RIT2: variants seen among roughly 807,000 people sequenced by gnomAD.
The protein encoded by RIT2 is GTP-binding protein Rit2.
Under a neutral mutation model 23.7 loss-of-function variants are expected in RIT2, and 24 were observed. The ratio of observed to expected loss-of-function variants is 1.01; its 90% confidence interval spans 0.73 to 1.43. RIT2 has a LOEUF of 1.43. Ranked by LOEUF, RIT2 falls within the 40% of genes most tolerant of loss-of-function variation. The pLI is 0.00. For missense variants in RIT2, 236 were observed against 266.9 expected, an observed-to-expected ratio of 0.88 and a Z score of 0.81; for synonymous variants, 107 against 91.1, an observed-to-expected ratio of 1.17 and a Z score of -0.99.
chr18:42,813,375 G>A (rs984901383), intron 4 of RIT2, among the ~76,000 whole-genome samples: 4 of 151,936 alleles, frequency 2.6e-5, no homozygotes, highest in African/African-American at 9.7e-5. Context: ...ATCTGTAGAT[G>A]GATTTTTCTA....
At chr18:43,022,770 T>C (rs1422497326) in intron 2 of RIT2, among the ~76,000 whole-genome samples, 1 of 151,998 alleles carries the variant, frequency 6.6e-6, no homozygotes, top group South Asian at 2.1e-4. Context: ...TTATTAATCA[T>C]TACAAAATGA....
At chr18:42,763,410 C>T (rs1230083909) in intron 4 of RIT2, among the ~76,000 whole-genome samples, 1 of 148,826 alleles carries the variant, frequency 6.7e-6, no homozygotes, top group African/African-American at 2.5e-5. Flanking sequence ...TGCAGGGAGC[C>T]GAGATTGCAC....
In RIT2 at chr18:42,943,785, G is replaced by T. The variant is rs79973114; in HGVS notation, c.235-20022C>A. ...TTCCAAGAACCTGTCAATGACACTA[G>T]GACATTAGGTGAGGACTTACTGTAC... is the stretch of plus-strand genomic sequence containing the variant. On this transcript the variant is annotated intron_variant, in intron 3 of 4. Coordinates refer to ENST00000326695, the MANE Select transcript of RIT2 (RefSeq NM_002930.4). Among the ~76,000 whole-genome samples the T allele has an allele frequency of 5.5e-3, 838 of 152,164 alleles. 8 individuals are homozygous for T. Among genetic ancestry groups the T allele is most frequent in the Non-Finnish European group, 7.4e-3 (505 of 67,978 alleles).
At chr18:43,025,431 TA>T (rs1432414165) in intron 2 of RIT2, among the ~76,000 whole-genome samples, 1 of 152,108 alleles carries the variant, frequency 6.6e-6, no homozygotes, top group East Asian at 1.9e-4. Context: ...TGCTACTGAG[TA>T]TCTACTCCAA....
At chr18:43,017,621 G>T (rs1227886347) in intron 2 of RIT2, among the ~76,000 whole-genome samples, 1 of 152,014 alleles carries the variant, frequency 6.6e-6, no homozygotes, top group South Asian at 2.1e-4. Context: ...GTAGTAGTTA[G>T]TATTTAGAAT....
chr18:42,995,525 T>C (rs190612792), intron 2 of RIT2, among the ~76,000 whole-genome samples: 1 of 152,322 alleles, frequency 6.6e-6, no homozygotes, highest in Non-Finnish European at 1.5e-5. Context: ...AGACCGGCCT[T>C]TATTAGTCAA....
intron 3 of RIT2, among the ~76,000 whole-genome samples, chr18:42,970,965 C>A (rs1474579171): frequency 6.6e-6 from 1 of 151,874 alleles, no homozygotes; most frequent in African/African-American, 2.4e-5. Flanking sequence ...ATCACTTGGT[C>A]TCTTTTACAA....
At chr18:42,916,114 T>C (rs749193115) in intron 4 of RIT2, among the ~76,000 whole-genome samples, 27 of 152,018 alleles carry the variant, frequency 1.8e-4, no homozygotes, top group Non-Finnish European at 3.2e-4. Context: ...ACCCAGCTAA[T>C]TTGTTAAAAT....
intron 2 of RIT2, 47 bp from the exon 3 acceptor site, chr18:42,974,194 C>G (rs751149669): frequency 2.1e-5 from 27 of 1,307,454 alleles, no homozygotes; most frequent in Non-Finnish European, 2.4e-5. Flanking sequence ...ACAGGAAAGG[C>G]ATTATTAATT....
At chr18:42,994,208 C>G (rs1449806092) in intron 2 of RIT2, among the ~76,000 whole-genome samples, 1 of 152,142 alleles carries the variant, frequency 6.6e-6, no homozygotes, top group African/African-American at 2.4e-5. Context: ...TGACACCCAC[C>G]AGGCTCAGCA....
chr18:42,912,419 C>T (rs1019423146), intron 4 of RIT2, among the ~76,000 whole-genome samples: 1 of 151,772 alleles, frequency 6.6e-6, no homozygotes, highest in African/African-American at 2.4e-5. Flanking sequence ...GAAATTTTAG[C>T]CACTGCAATA....
chr18:43,033,676 TGATA>T, intron 2 of RIT2, 131 bp downstream of exon 2: 1 of 656,066 alleles, frequency 1.5e-6, no homozygotes, highest in Non-Finnish European at 2.7e-6. Flanking sequence ...ACGTTACATA[TGATA>T]GATTTGTGTG....
chr18:42,954,536 A>ATGT (rs1429411574), intron 3 of RIT2, among the ~76,000 whole-genome samples: 1 of 152,152 alleles, frequency 6.6e-6, no homozygotes, highest in East Asian at 1.9e-4. Flanking sequence ...CTTCTGAAGC[A>ATGT]TGTTCCTCCT....
At chr18:43,103,344 G>A (rs1466433090) in intron 1 of RIT2, among the ~76,000 whole-genome samples, 1 of 152,086 alleles carries the variant, frequency 6.6e-6, no homozygotes, top group Non-Finnish European at 1.5e-5. Context: ...TAAGTATCAC[G>A]GGAAAAGAAA....
At chr18:42,929,905 C>A (rs1909284200) in intron 3 of RIT2, among the ~76,000 whole-genome samples, 1 of 152,114 alleles carries the variant, frequency 6.6e-6, no homozygotes, top group Non-Finnish European at 1.5e-5. Context: ...AGCCAAGTCA[C>A]TACTGAAGCA....
At chr18:42,809,840 G>C (rs1905787020) in intron 4 of RIT2, among the ~76,000 whole-genome samples, 1 of 112,814 alleles carries the variant, frequency 8.9e-6, no homozygotes. Flanking sequence ...TATATAATTT[G>C]TATATATGTT....
intron 4 of RIT2, among the ~76,000 whole-genome samples, chr18:42,789,978 T>C (rs1262806132): frequency 2.0e-5 from 3 of 152,206 alleles, no homozygotes; most frequent in African/African-American, 7.2e-5. Flanking sequence ...ACGACCCTTA[T>C]TGTTTCGATG....
At chr18:42,770,965 A>G (rs1913537708) in intron 4 of RIT2, among the ~76,000 whole-genome samples, 1 of 152,102 alleles carries the variant, frequency 6.6e-6, no homozygotes, top group Admixed American at 6.6e-5. Flanking sequence ...TCCTTTTTCT[A>G]TTTTATGGAA....
At chr18:42,924,865 C>T (rs1909142546) in intron 3 of RIT2, among the ~76,000 whole-genome samples, 2 of 151,942 alleles carry the variant, frequency 1.3e-5, no homozygotes, top group Non-Finnish European at 2.9e-5. Context: ...TATGTAGATC[C>T]AGGAACTTTG....
Sources: allele counts gnomAD v4.1 joint callset (sites outside exome capture counted in the v4.1 genomes callset), GRCh38; gene constraint gnomAD v4.1.1; transcripts MANE v1.5; gene names NCBI Gene and HGNC (gene_info 2026-07-23, HGNC 2026-07-21).